CELF2: variants seen among roughly 807,000 people sequenced by gnomAD.
CELF2 encodes CUG triplet repeat RNA-binding protein 2.
Under a neutral mutation model 62.6 loss-of-function variants are expected in CELF2, and 8 were observed. The observed-to-expected ratio is 0.13, with a 90% CI of 0.07 to 0.23. The LOEUF is 0.23. Ranked by LOEUF, CELF2 falls within the 10% of genes least tolerant of loss-of-function variation. CELF2 has a pLI of 1.00. For missense variants in CELF2, 333 were observed against 671.0 expected (o/e 0.50, Z 5.56); for synonymous variants, 258 against 250.0 (o/e 1.03, Z -0.30).
At chr10:10,767,665 A>G in the CELF2 span, among the ~76,000 whole-genome samples, 1 of 152,088 alleles carries the variant, frequency 6.6e-6, no homozygotes, top group African/African-American at 2.4e-5. Flanking sequence ...GAATCACTTC[A>G]TCTTCAGACA....
chr10:10,852,143 A>G (rs980149171), intron 1 of CELF2, among the ~76,000 whole-genome samples: 1 of 152,250 alleles, frequency 6.6e-6, no homozygotes, highest in Non-Finnish European at 1.5e-5. Flanking sequence ...ACAAATATGT[A>G]TATAGTATAT....
At chr10:11,206,474 CAG>C (rs2060460454) in intron 2 of CELF2, among the ~76,000 whole-genome samples, 1 of 152,246 alleles carries the variant, frequency 6.6e-6, no homozygotes, top group Non-Finnish European at 1.5e-5. Flanking sequence ...GGATTCAAGA[CAG>C]AACTACCTTA....
At chr10:11,060,944 T>A (rs1431108969) in intron 1 of CELF2, among the ~76,000 whole-genome samples, 1 of 152,206 alleles carries the variant, frequency 6.6e-6, no homozygotes, top group Non-Finnish European at 1.5e-5. Context: ...CCACTTGGGC[T>A]TTTCTATACC....
intron 9 of CELF2, among the ~76,000 whole-genome samples, chr10:11,299,854 C>T (rs2093555172): frequency 6.6e-6 from 1 of 151,732 alleles, no homozygotes; most frequent in African/African-American, 2.4e-5. Flanking sequence ...TCTGTAAAAA[C>T]AAACATCTGG....
At chr10:10,571,761 G>A in the CELF2 span, among the ~76,000 whole-genome samples, 1 of 152,184 alleles carries the variant, frequency 6.6e-6, no homozygotes. Context: ...GGTATCTAAT[G>A]GAGTGACCGT....
intron 2 of CELF2, among the ~76,000 whole-genome samples, chr10:10,961,460 G>T (rs1475795437): frequency 6.6e-6 from 1 of 152,160 alleles, no homozygotes; most frequent in African/African-American, 2.4e-5. Flanking sequence ...AAAAATGTTT[G>T]TAGGCCAGGT....
chr10:10,958,240 T>C (rs1335165076), intron 2 of CELF2, among the ~76,000 whole-genome samples: 1 of 152,226 alleles, frequency 6.6e-6, no homozygotes, highest in East Asian at 1.9e-4. Context: ...TTCCCAGAAA[T>C]ATCACTTTTC....
chr10:10,674,925 G>A, the CELF2 span, among the ~76,000 whole-genome samples: 1 of 151,880 alleles, frequency 6.6e-6, no homozygotes. Flanking sequence ...TCACTTATAT[G>A]TATATAGAAG....
At chr10:10,857,609 T>C (rs2133016209) in intron 1 of CELF2, among the ~76,000 whole-genome samples, 1 of 141,500 alleles carries the variant, frequency 7.1e-6, no homozygotes. Context: ...GATGGTGAAC[T>C]ATATATATAT....
chr10:10,500,078 A>T, the CELF2 span, among the ~76,000 whole-genome samples: 1 of 152,148 alleles, frequency 6.6e-6, no homozygotes, highest in East Asian at 1.9e-4. Context: ...TAGTAACTAC[A>T]CCCTGTATAT....
the CELF2 span, among the ~76,000 whole-genome samples, chr10:10,558,143 T>C: frequency 1.3e-5 from 2 of 152,116 alleles, no homozygotes; most frequent in African/African-American, 2.4e-5. Context: ...CCAGTTTTTG[T>C]CCATTCAGTC....
intron 2 of CELF2, among the ~76,000 whole-genome samples, chr10:11,197,896 C>T (rs1420447049): frequency 6.6e-6 from 1 of 152,160 alleles, no homozygotes; most frequent in African/African-American, 2.4e-5. Flanking sequence ...GTTTATTACT[C>T]CTTTAAAAAT....
At chr10:11,253,060 C>T (rs2077609463) in intron 4 of CELF2, among the ~76,000 whole-genome samples, 1 of 152,106 alleles carries the variant, frequency 6.6e-6, no homozygotes, top group Non-Finnish European at 1.5e-5. Flanking sequence ...AAGTCACAAG[C>T]AGTTGCTGAA....
At chr10:10,729,201 T>A in the CELF2 span, among the ~76,000 whole-genome samples, 3 of 152,236 alleles carry the variant, frequency 2.0e-5, no homozygotes, top group Non-Finnish European at 4.4e-5. Context: ...AGAGGAAGAT[T>A]CGGTCTTTTG....
the CELF2 span, among the ~76,000 whole-genome samples, chr10:10,625,027 C>T: frequency 4.6e-5 from 7 of 152,274 alleles, no homozygotes; most frequent in East Asian, 1.4e-3. Flanking sequence ...TCATGTTTAC[C>T]AACAAAATTA....
the CELF2 span, among the ~76,000 whole-genome samples, chr10:10,602,745 A>G: frequency 6.6e-6 from 1 of 152,146 alleles, no homozygotes; most frequent in Non-Finnish European, 1.5e-5. Context: ...GCATACATGC[A>G]TTTCTAAAAA....
chr10:11,320,625 A>G (rs2095383911), intron 10 of CELF2, among the ~76,000 whole-genome samples: 1 of 152,108 alleles, frequency 6.6e-6, no homozygotes, highest in Admixed American at 6.5e-5. Flanking sequence ...GTTTTCCCAC[A>G]CTGTAACTCC....
the CELF2 span, among the ~76,000 whole-genome samples, chr10:10,761,416 T>G: frequency 2.6e-5 from 4 of 152,218 alleles, no homozygotes; most frequent in Non-Finnish European, 5.9e-5. Flanking sequence ...GAGGTGTAAG[T>G]CCATGAAAAA....
intron 1 of CELF2, among the ~76,000 whole-genome samples, chr10:10,817,303 C>A (rs2056552715): frequency 6.6e-6 from 1 of 152,072 alleles, no homozygotes; most frequent in African/African-American, 2.4e-5. Flanking sequence ...AAACATTTAT[C>A]CTTTGAGTTA....
Sources: allele counts gnomAD v4.1 joint callset (sites outside exome capture counted in the v4.1 genomes callset), GRCh38; gene constraint gnomAD v4.1.1; transcripts MANE v1.5; gene names NCBI Gene and HGNC (gene_info 2026-07-23, HGNC 2026-07-21).